Variants in BABAM2 observed in about 807,000 individuals in gnomAD.
The protein encoded by BABAM2 is BRISC and BRCA1-A complex member 2.
BABAM2 carries 31 observed loss-of-function variants against 54.7 expected under a neutral mutation model. The observed-to-expected ratio is 0.57, with a 90% CI of 0.43 to 0.77. The LOEUF is 0.77. BABAM2 is among the 30% of genes least tolerant of loss of function. The pLI is 0.00. For missense variants in BABAM2, 364 were observed against 455.8 expected (o/e 0.80, Z 1.83); for synonymous variants, 167 against 162.9 (o/e 1.03, Z -0.19).
chr2:27,916,091 C>T (rs1357685015), intron 2 of BABAM2, among the ~76,000 whole-genome samples: 1 of 152,212 alleles, frequency 6.6e-6, no homozygotes, highest in African/African-American at 2.4e-5. Flanking sequence ...TCTGCTAGTA[C>T]ATTCCCTTGA....
chr2:28,094,559 T>C (rs533991064), intron 6 of BABAM2, among the ~76,000 whole-genome samples: 1 of 152,266 alleles, frequency 6.6e-6, no homozygotes, highest in African/African-American at 2.4e-5. Flanking sequence ...ATGTTAAGAA[T>C]GGAAGAGCTT....
chr2:27,923,893 G>A (rs921604784), intron 2 of BABAM2, among the ~76,000 whole-genome samples: 1 of 152,150 alleles, frequency 6.6e-6, no homozygotes, highest in Non-Finnish European at 1.5e-5. Context: ...GATCGCCTGA[G>A]CTCGGGAGTT....
chr2:28,102,084 C>T (rs1667132224), intron 6 of BABAM2, among the ~76,000 whole-genome samples: 1 of 152,152 alleles, frequency 6.6e-6, no homozygotes, highest in African/African-American at 2.4e-5. Context: ...CTTGTTTATT[C>T]GTCATCCCCT....
intron 7 of BABAM2, among the ~76,000 whole-genome samples, chr2:28,151,287 A>G (rs74362503): frequency 0.025 from 3,883 of 152,280 alleles, 73 homozygotes; most frequent in South Asian, 0.067. Context: ...AAAAGAACAA[A>G]GGAGGCTGGA....
At chr2:28,093,930 T>G (rs1666378085) in intron 6 of BABAM2, among the ~76,000 whole-genome samples, 1 of 151,948 alleles carries the variant, frequency 6.6e-6, no homozygotes, top group Non-Finnish European at 1.5e-5. Context: ...AGTACAATAG[T>G]GTATATGGGA....
At chr2:28,224,612 C>T (rs916273264) in intron 7 of BABAM2, among the ~76,000 whole-genome samples, 2 of 152,138 alleles carry the variant, frequency 1.3e-5, no homozygotes, top group Admixed American at 1.3e-4. Context: ...GCTGACAATG[C>T]AAGCTCTCAC....
At chr2:28,320,466 A>G (rs922924762) in intron 11 of BABAM2, among the ~76,000 whole-genome samples, 4 of 152,254 alleles carry the variant, frequency 2.6e-5, no homozygotes, top group Non-Finnish European at 5.9e-5. Context: ...AGCCCAGTGA[A>G]GTCAACCTGG....
At chr2:28,258,106 G>A (rs539796675) in intron 10 of BABAM2, among the ~76,000 whole-genome samples, 1 of 152,282 alleles carries the variant, frequency 6.6e-6, no homozygotes, top group East Asian at 1.9e-4. Flanking sequence ...GAACCCAGGA[G>A]GTGGAGGTTG....
At chr2:27,949,752 T>G (rs1669566911) in intron 3 of BABAM2, among the ~76,000 whole-genome samples, 1 of 152,220 alleles carries the variant, frequency 6.6e-6, no homozygotes, top group Admixed American at 6.5e-5. Context: ...CCCTTTTTTA[T>G]TTTTAAAAAT....
At position 28,338,712 on chromosome 2, in the gene BABAM2, T is replaced by A. The variant is rs1691689733; in HGVS notation, c.*199T>A. ...GGTGGTCCCTGGATCCTAGAGCCCT[T>A]CACTTCGGGTTACTCCCTCTTTCTT... On this transcript the variant is annotated 3_prime_UTR_variant, in exon 12 of 12. Coordinates refer to ENST00000379624, the MANE Select transcript of BABAM2 (RefSeq NM_199191.3). The A allele has an allele frequency of 1.8e-6, 1 of 565,260 alleles. No homozygotes were observed. Among genetic ancestry groups the A allele is most frequent in the Admixed American group, 3.2e-5 (1 of 31,462 alleles). 35.0% of individuals were successfully genotyped at this position (565,260 alleles called of 1,614,324 possible).
chr2:27,980,735 TA>T (rs5830059), intron 3 of BABAM2, among the ~76,000 whole-genome samples: 146,960 of 148,990 alleles, frequency 0.99, 72,484 homozygotes, highest in South Asian at 0.99. Flanking sequence ...ATCTTTTCCT[TA>T]AAAAAAAAAA....
At chr2:28,037,557 G>T (rs747580324) in intron 5 of BABAM2, among the ~76,000 whole-genome samples, 5 of 152,162 alleles carry the variant, frequency 3.3e-5, no homozygotes, top group Non-Finnish European at 7.3e-5. Context: ...GTTCAGGTAT[G>T]TCTGTAAGAT....
At chr2:27,892,002 G>T (rs1664895889) in intron 1 of BABAM2, among the ~76,000 whole-genome samples, 1 of 152,076 alleles carries the variant, frequency 6.6e-6, no homozygotes, top group African/African-American at 2.4e-5. Context: ...GCAATCATTT[G>T]TTTAAATTTT....
intron 4 of BABAM2, among the ~76,000 whole-genome samples, chr2:27,993,295 T>TA (rs1242768218): frequency 1.3e-5 from 2 of 152,192 alleles, no homozygotes; most frequent in Admixed American, 6.5e-5. Context: ...GGGTATACAA[T>TA]ACATGTTTGT....
intron 4 of BABAM2, among the ~76,000 whole-genome samples, chr2:28,010,793 C>T (rs1394040489): frequency 1.3e-5 from 2 of 152,150 alleles, no homozygotes; most frequent in Non-Finnish European, 2.9e-5. Context: ...TTCTTCTCTG[C>T]TCTTCCTCCC....
intron 7 of BABAM2, among the ~76,000 whole-genome samples, chr2:28,158,034 T>C (rs1672717404): frequency 6.6e-6 from 1 of 152,202 alleles, no homozygotes; most frequent in South Asian, 2.1e-4. Flanking sequence ...TTTTCTTCTA[T>C]GTGTCAGAAA....
At chr2:27,894,879 G>T in intron 2 of BABAM2, 195 bp downstream of exon 2, 3 of 575,516 alleles carry the variant, frequency 5.2e-6, no homozygotes, top group South Asian at 5.8e-5. Context: ...TTTGTGTTGT[G>T]GACCATTGTT....
chr2:28,229,088 A>G (rs1681142142), intron 7 of BABAM2, among the ~76,000 whole-genome samples: 1 of 152,208 alleles, frequency 6.6e-6, no homozygotes, highest in South Asian at 2.1e-4. Flanking sequence ...AGTTTAATAA[A>G]TATTCCTGGA....
chr2:27,968,063 T>C (rs1670951085), intron 3 of BABAM2, among the ~76,000 whole-genome samples: 1 of 152,218 alleles, frequency 6.6e-6, no homozygotes, highest in Non-Finnish European at 1.5e-5. Flanking sequence ...GAAATTTACA[T>C]AAGTAATGAG....
Sources: gnomAD v4.1 joint callset for allele counts (sites outside exome capture counted in the v4.1 genomes callset) on GRCh38, gnomAD v4.1.1 for gene constraint, MANE v1.5 for transcripts, NCBI Gene and HGNC (gene_info 2026-07-23, HGNC 2026-07-21) for gene names.